Variants in FCF1 observed in about 807,000 individuals in gnomAD.
FCF1 encodes FCF1 rRNA-processing protein, also known as rRNA-processing protein FCF1 homolog.
A neutral mutation model predicts 32.5 loss-of-function variants in FCF1; 17 were observed. That is an observed-to-expected ratio of 0.52 (90% confidence interval 0.36 to 0.78). The LOEUF (loss-of-function observed/expected upper bound fraction) is 0.78, where lower values mean the gene tolerates loss of function less well. Ranked by LOEUF, FCF1 falls within the 30% of genes least tolerant of loss-of-function variation. FCF1 has a pLI of 0.00. For missense variants in FCF1, 201 were observed against 241.1 expected (o/e 0.83, Z 1.10); for synonymous variants, 84 against 78.4 (o/e 1.07, Z -0.38).
chr14:74,732,048 C>A (rs562717652), intron 5 of FCF1, among the ~76,000 whole-genome samples: 1 of 152,140 alleles, frequency 6.6e-6, no homozygotes, highest in South Asian at 2.1e-4. Context: ...CCAAGAGTGA[C>A]AACTGACAAA....
chr14:74,734,520 A>T (rs914368559), intron 7 of FCF1, among the ~76,000 whole-genome samples: 15 of 85,966 alleles, frequency 1.7e-4, no homozygotes, highest in Middle Eastern at 9.7e-3. Context: ...AAGCTTATTT[A>T]AAAAAAAAAA....
At chr14:74,733,924 A>G (rs1353851863) in intron 6 of FCF1, 152 bp from the exon 7 acceptor site, 1 of 516,330 alleles carries the variant, frequency 1.9e-6, no homozygotes, top group Non-Finnish European at 3.5e-6. Context: ...CCTAGATCAT[A>G]GTAGGTACTC....
Position 74,713,176 on chromosome 14 carries a change from G to A in FCF1, c.-22G>A. On this transcript the variant is annotated 5_prime_UTR_variant, in exon 1 of 8. Coordinates refer to ENST00000341162, the MANE Select transcript of FCF1 (RefSeq NM_015962.5). Reference sequence around the variant, plus strand: ...TATTGCGCCGTTGGTGATTACGGAAGAACCAGGAGTTTGGCGTGACCATGG... The same window carrying A: ...TATTGCGCCGTTGGTGATTACGGAAAAACCAGGAGTTTGGCGTGACCATGG... 12 of 1,614,222 alleles carry A rather than the reference G, an allele frequency of 7.4e-6. No homozygotes were observed. Among genetic ancestry groups the A allele is most frequent in the Non-Finnish European group, 9.3e-6 (11 of 1,180,048 alleles).
intron 5 of FCF1, among the ~76,000 whole-genome samples, chr14:74,729,005 C>A (rs1018346828): frequency 5.0e-4 from 76 of 152,262 alleles, no homozygotes; most frequent in African/African-American, 1.7e-3. Flanking sequence ...TTGATTTTCC[C>A]GTATTTTATT....
rs1353459856 is a variant in FCF1, at chr14:74,730,207, T to C, written c.366-2524T>C. ...ATTGTTTATAGATATGTGTATATGC[T>C]TTTTTTTTTTTTTTTTTTTTTTAAA... On this transcript the variant is annotated intron_variant, in intron 5 of 7. Coordinates refer to ENST00000341162, the MANE Select transcript of FCF1 (RefSeq NM_015962.5). Among the ~76,000 whole-genome samples, 3 of 108,262 alleles carry C rather than the reference T, an allele frequency of 2.8e-5. No individual in the cohort carries two copies. In the East Asian group the frequency reaches 7.2e-4, roughly 26 times the overall value. The allele number at this position is 108,262 out of a possible 152,430, so 71.0% of individuals were successfully genotyped here. A position where few individuals can be genotyped will look rare whatever the true frequency, so the allele number is the denominator to read the frequency against.
intron 4 of FCF1, among the ~76,000 whole-genome samples, chr14:74,716,322 G>A (rs1051062488): frequency 1.3e-5 from 2 of 152,098 alleles, no homozygotes; most frequent in East Asian, 3.8e-4. Context: ...AGAATGCTTC[G>A]AGTATCATTA....
intron 5 of FCF1, among the ~76,000 whole-genome samples, chr14:74,724,904 C>CAA (rs766517713): frequency 1.9e-4 from 26 of 137,438 alleles, no homozygotes; most frequent in Non-Finnish European, 3.6e-4. Context: ...GACTCTGTCT[C>CAA]AAAAAAAAAA....
chr14:74,724,788 T>C (rs549179239), intron 5 of FCF1, among the ~76,000 whole-genome samples: 1 of 151,978 alleles, frequency 6.6e-6, no homozygotes, highest in South Asian at 2.1e-4. Context: ...ACCTGTAGTC[T>C]CAGCTATTCG....
chr14:74,725,625 C>T (rs1406445444), intron 5 of FCF1, among the ~76,000 whole-genome samples: 2 of 151,008 alleles, frequency 1.3e-5, no homozygotes, highest in Non-Finnish European at 2.9e-5. Flanking sequence ...CCTGGCTCTA[C>T]AAAACTTTAA....
chr14:74,717,600 T>A (rs1052052948), intron 4 of FCF1, among the ~76,000 whole-genome samples: 7 of 152,216 alleles, frequency 4.6e-5, no homozygotes, highest in African/African-American at 1.7e-4. Context: ...GTTGAGGTGC[T>A]ACCAGGCCTC....
At chr14:74,728,369 G>A (rs961399118) in intron 5 of FCF1, among the ~76,000 whole-genome samples, 10 of 152,072 alleles carry the variant, frequency 6.6e-5, no homozygotes, top group Non-Finnish European at 1.3e-4. Flanking sequence ...TGAAGCAATT[G>A]TGAATGGGAG....
At chr14:74,717,349 TA>T (rs904512361) in intron 4 of FCF1, among the ~76,000 whole-genome samples, 673 of 138,672 alleles carry the variant, frequency 4.9e-3, no homozygotes, top group Non-Finnish European at 5.6e-3. Context: ...AAACTCCATC[TA>T]AAAAAAAAAA....
intron 5 of FCF1, among the ~76,000 whole-genome samples, chr14:74,724,612 A>G (rs2090550907): frequency 1.3e-5 from 2 of 152,230 alleles, no homozygotes; most frequent in Non-Finnish European, 2.9e-5. Flanking sequence ...AGTGTAACAG[A>G]AGAAACTATA....
At chr14:74,715,787 A>G in intron 3 of FCF1, 164 bp from the exon 4 acceptor site, 1 of 1,513,682 alleles carries the variant, frequency 6.6e-7, no homozygotes, top group South Asian at 1.2e-5. Context: ...GATTAAGATA[A>G]TGATATTACT....
In FCF1 at chr14:74,732,770, A is replaced by G. The variant is rs778035501; in HGVS notation, c.405A>G (p.Thr135=). 2 of 1,613,306 alleles carry G rather than the reference A, an allele frequency of 1.2e-6. No homozygotes were observed. The highest frequency in any genetic ancestry group is 1.7e-6 in the Non-Finnish European group (2 of 1,179,504). The change falls in exon 6 of 8, where the codon ACA becomes ACG. Residue 135 remains threonine, a synonymous_variant. Transcript: ENST00000341162. ...CAAGATTTGAACGATTACCATGTAC[A>G]CACAAAGGAACCTATGCAGATGACT... ...KDPRFERLPC[T]HKGTYADDCL... is the part of the protein sequence containing the mutation.
intron 4 of FCF1, among the ~76,000 whole-genome samples, chr14:74,717,307 G>T (rs1043692332): frequency 2.6e-5 from 4 of 151,538 alleles, no homozygotes; most frequent in Non-Finnish European, 4.4e-5. Context: ...AGTGAGCCGA[G>T]ATTGTGCCAC....
rs766772477 is a variant in FCF1, at chr14:74,713,499, A to C, written c.18A>C (p.Lys6Asn). Residue 6 changes from lysine to asparagine, a missense_variant, in exon 2 of 8, where the codon AAA (lysine) becomes AAC (asparagine). By Grantham distance (94) the Lys-to-Asn change is moderately conservative. This residue lies in a region of FCF1 where 76 missense variants were observed against 75.0 expected (regional missense o/e 1.01). Coordinates refer to ENST00000341162, the MANE Select transcript of FCF1 (RefSeq NM_015962.5). MGKQK[K>N]TRKYATMKRM... ...TCTGTTTCAAGGGGAAGCAAAAGAA[A>C]ACAAGGAAGTATGCGACCATGAAGC... The C allele has an allele frequency of 1.9e-6, 3 of 1,612,808 alleles. No individual in the cohort carries two copies. The East Asian group carries it at 6.7e-5, about 36-fold the overall frequency.
chr14:74,733,298 T>C (rs1257454227), intron 6 of FCF1, among the ~76,000 whole-genome samples: 1 of 152,124 alleles, frequency 6.6e-6, no homozygotes, highest in Non-Finnish European at 1.5e-5. Context: ...TTTAATTCCT[T>C]CATTAAGCAC....
chr14:74,727,760 A>C (rs1239199034), intron 5 of FCF1, among the ~76,000 whole-genome samples: 1 of 152,144 alleles, frequency 6.6e-6, no homozygotes, highest in Non-Finnish European at 1.5e-5. Flanking sequence ...TTAAGTCTTT[A>C]ATCCATCTTG....
Sources: allele counts gnomAD v4.1 joint callset (sites outside exome capture counted in the v4.1 genomes callset), GRCh38; gene constraint gnomAD v4.1.1; regional missense constraint gnomAD v4.1.1; transcripts MANE v1.5; gene names NCBI Gene and HGNC (gene_info 2026-07-23, HGNC 2026-07-21).